Variants in TTC3 observed in about 807,000 individuals in gnomAD.
TTC3 encodes tetratricopeptide repeat domain 3.
Under a neutral mutation model 249.6 loss-of-function variants are expected in TTC3, and 180 were observed. The observed-to-expected ratio is 0.72, with a 90% CI of 0.64 to 0.82. TTC3 has a LOEUF of 0.82. Among genes scored for constraint, TTC3 ranks in the 40% least tolerant of loss-of-function variants. TTC3 has a pLI of 0.00. For synonymous variants in TTC3, 717 were observed against 805.0 expected (o/e 0.89, Z 1.85); for missense variants, 2,061 against 2,398.4 (o/e 0.86, Z 2.94).
chr21:37,084,907 C>T (rs1227242242), intron 1 of TTC3, among the ~76,000 whole-genome samples: 1 of 152,124 alleles, frequency 6.6e-6, no homozygotes, highest in Non-Finnish European at 1.5e-5. Context: ...GCAGGAGAAT[C>T]GCTTGAACCC....
chr21:37,114,684 A>G (rs1225449041), intron 11 of TTC3, among the ~76,000 whole-genome samples: 2 of 152,168 alleles, frequency 1.3e-5, no homozygotes, highest in African/African-American at 4.8e-5. Context: ...ATTACTGGGT[A>G]TATACCCAAA....
intron 29 of TTC3, among the ~76,000 whole-genome samples, chr21:37,160,586 C>T (rs1164218352): frequency 3.4e-5 from 1 of 29,808 alleles, no homozygotes; most frequent in Non-Finnish European, 6.0e-5. Flanking sequence ...AATGTTGGAA[C>T]AACTTAATTT....
At chr21:37,073,296 TGGCGGC>T (rs879750802) in exon 1 of TTC3, 52 of 253,876 alleles carry the variant, frequency 2.0e-4, no homozygotes, top group South Asian at 3.9e-4. Context: ...GGGCCGGAGG[TGGCGGC>T]GGCGGCGGCG....
At chr21:37,182,261 A>T (rs572739322) in intron 35 of TTC3, among the ~76,000 whole-genome samples, 1 of 152,208 alleles carries the variant, frequency 6.6e-6, no homozygotes, top group Non-Finnish European at 1.5e-5. Context: ...GTTAGGTGTC[A>T]AGTGGTGCTG....
At chr21:37,075,146 A>G (rs2070656952) in intron 1 of TTC3, among the ~76,000 whole-genome samples, 1 of 146,638 alleles carries the variant, frequency 6.8e-6, no homozygotes, top group Admixed American at 7.0e-5. Flanking sequence ...ATTAAAATAT[A>G]CATGCCTTTT....
chr21:37,197,176 A>G (rs546221322), intron 42 of TTC3, among the ~76,000 whole-genome samples: 1 of 152,178 alleles, frequency 6.6e-6, no homozygotes, highest in South Asian at 2.1e-4. Flanking sequence ...TTAAAATATG[A>G]TTAGCCAGCA....
At chr21:37,114,195 A>G (rs2075924618) in intron 11 of TTC3, among the ~76,000 whole-genome samples, 1 of 151,682 alleles carries the variant, frequency 6.6e-6, no homozygotes, top group African/African-American at 2.4e-5. Flanking sequence ...AATGGGATCT[A>G]ATTAAACTAA....
rs181069026 is a variant in TTC3 at position 37,123,643 on chromosome 21, A to G, written c.1109+615A>G. Reference sequence around the variant, plus strand: ...CTGCTAATTCTGTAGCATGCTGAACATGTAGACATAAAGAAATTGGCTGTG... The same window carrying G: ...CTGCTAATTCTGTAGCATGCTGAACGTGTAGACATAAAGAAATTGGCTGTG... On this transcript the variant is annotated intron_variant, in intron 13 of 45. Coordinates refer to ENST00000355666, the Ensembl canonical transcript of TTC3. 1.6e-4 allele frequency among the ~76,000 whole-genome samples: 24 copies of G among 152,354 alleles called. No homozygotes were observed. The East Asian group carries it at 4.6e-3, about 29-fold the overall frequency.
At position 37,131,673 on chromosome 21, in the gene TTC3, T is replaced by C. The variant is rs1279900563; in HGVS notation, c.1359-1009T>C. Reference sequence around the variant, plus strand: ...CTGTGCACCCCACTTGCAGCTGAAGTGAGGGCAGTCTGGTGGGACTGATTC... The same window carrying C: ...CTGTGCACCCCACTTGCAGCTGAAGCGAGGGCAGTCTGGTGGGACTGATTC... On this transcript the variant is annotated intron_variant, in intron 16 of 45. Coordinates refer to ENST00000355666, the Ensembl canonical transcript of TTC3. Among the ~76,000 whole-genome samples the C allele has an allele frequency of 2.0e-5, 3 of 152,154 alleles. No homozygotes were observed. The South Asian group carries it at 6.2e-4, about 32-fold the overall frequency.
intron 38 of TTC3, chr21:37,187,528 C>CA (rs1312252270): frequency 1.3e-4 from 21 of 160,532 alleles, no homozygotes; most frequent in Non-Finnish European, 2.4e-4. Context: ...AAATAATCCA[C>CA]ATATTAAGAA....
chr21:37,120,909 G>A (rs2074937687), intron 11 of TTC3, among the ~76,000 whole-genome samples: 1 of 152,130 alleles, frequency 6.6e-6, no homozygotes, highest in Non-Finnish European at 1.5e-5. Flanking sequence ...CTTTGGACCA[G>A]GTGTCATAAA....
chr21:37,144,493 C>T, intron 20 of TTC3, 32 bp from the exon 21 acceptor site: 1 of 1,597,986 alleles, frequency 6.3e-7, no homozygotes, highest in Middle Eastern at 1.9e-4. Flanking sequence ...CATTTTACAT[C>T]TTTAATGCCT....
intron 10 of TTC3, among the ~76,000 whole-genome samples, chr21:37,097,059 A>G (rs1191714110): frequency 2.0e-5 from 3 of 152,310 alleles, no homozygotes; most frequent in South Asian, 2.1e-4. Context: ...ATTAATCCAT[A>G]TAGTATAAAA....
At chr21:37,134,507 T>C (rs1323703053) in intron 17 of TTC3, among the ~76,000 whole-genome samples, 2 of 152,028 alleles carry the variant, frequency 1.3e-5, no homozygotes, top group Non-Finnish European at 2.9e-5. Context: ...CTTTTTCCTC[T>C]GTGATTTGTG....
chr21:37,099,447 G>T (rs1483698631), intron 10 of TTC3, among the ~76,000 whole-genome samples: 1 of 152,190 alleles, frequency 6.6e-6, no homozygotes, highest in Non-Finnish European at 1.5e-5. Flanking sequence ...CAGCCTGGAT[G>T]TAGAGTCTCT....
intron 5 of TTC3, 124 bp from the exon 6 acceptor site, chr21:37,090,109 T>C (rs1346004934): frequency 6.8e-6 from 4 of 590,996 alleles, no homozygotes; most frequent in Non-Finnish European, 1.1e-5. Context: ...ATGTAAATGC[T>C]TGTCGGAAGT....
At position 37,200,325 on chromosome 21, in the gene TTC3, G is replaced by A. The variant is rs1313530053; in HGVS notation, c.5943+1G>A. 6.2e-7 allele frequency: 1 copy of A among 1,613,948 alleles called. No individual in the cohort carries two copies. Among genetic ancestry groups the A allele is most frequent in the Non-Finnish European group, 8.5e-7 (1 of 1,179,916 alleles). On this transcript the variant is annotated splice_donor_variant, in intron 45 of 45. Transcript: ENST00000355666. LOFTEE classifies it high-confidence loss of function. ...ATGTGGGCACAAGTATCACAAAGGG[G>A]TAAGAGCTCTTTTTGGCCATCCTTA...
exon 18 of TTC3, chr21:37,135,403 G>T: frequency 6.2e-7 from 1 of 1,613,204 alleles, no homozygotes; most frequent in South Asian, 1.1e-5. Context: ...TAATGAAAAT[G>T]CTGAGAAGCT....
intron 41 of TTC3, 71 bp downstream of exon 41, chr21:37,192,284 GT>G: frequency 9.6e-7 from 1 of 1,041,140 alleles, no homozygotes; most frequent in East Asian, 2.7e-5. Flanking sequence ...GTAGTTATTT[GT>G]TGTTGTTTCC....
Sources: gnomAD v4.1 joint callset for allele counts (sites outside exome capture counted in the v4.1 genomes callset) on GRCh38, gnomAD v4.1.1 for gene constraint, MANE v1.5 for transcripts, NCBI Gene and HGNC (gene_info 2026-07-23, HGNC 2026-07-21) for gene names.